LRRC7: variants seen among roughly 807,000 people sequenced by gnomAD.
LRRC7 encodes the protein leucine-rich repeat-containing protein 7.
A neutral mutation model predicts 175.7 loss-of-function variants in LRRC7; 23 were observed. The observed-to-expected ratio is 0.13, with a 90% CI of 0.09 to 0.19. The LOEUF is 0.19. LRRC7 is among the 10% of genes least tolerant of loss of function. LRRC7 has a pLI of 1.00. For synonymous variants in LRRC7, 685 were observed against 680.9 expected (o/e 1.01, Z -0.09); for missense variants, 1,354 against 1,904.7 (o/e 0.71, Z 5.38).
chr1:69,701,499 A>T (rs982852790), intron 2 of LRRC7, among the ~76,000 whole-genome samples: 6 of 151,998 alleles, frequency 3.9e-5, no homozygotes, highest in Non-Finnish European at 7.4e-5. Flanking sequence ...ATTTTCATTT[A>T]AAAAAAACCA....
intron 4 of LRRC7, among the ~76,000 whole-genome samples, chr1:69,820,830 A>C (rs1041038776): frequency 6.6e-6 from 1 of 152,194 alleles, no homozygotes; most frequent in Admixed American, 6.5e-5. Context: ...ATAGATGTGC[A>C]TGTGTCTTTA....
At chr1:69,583,843 A>C (rs1646297962) in intron 1 of LRRC7, among the ~76,000 whole-genome samples, 3 of 152,138 alleles carry the variant, frequency 2.0e-5, no homozygotes. Context: ...TTATCCACAC[A>C]AAGACTTTCT....
chr1:69,604,294 A>G (rs1647218088), intron 1 of LRRC7, among the ~76,000 whole-genome samples: 1 of 152,176 alleles, frequency 6.6e-6, no homozygotes, highest in South Asian at 2.1e-4. Context: ...AGTTAATGCT[A>G]CAAAGTTAAA....
chr1:69,876,316 T>C (rs981859588), intron 7 of LRRC7, among the ~76,000 whole-genome samples: 9 of 152,170 alleles, frequency 5.9e-5, no homozygotes, highest in Non-Finnish European at 1.2e-4. Flanking sequence ...AAAATTATGA[T>C]TATTTTATCA....
At chr1:69,851,171 C>A (rs1299127130) in intron 7 of LRRC7, among the ~76,000 whole-genome samples, 1 of 152,064 alleles carries the variant, frequency 6.6e-6, no homozygotes, top group Admixed American at 6.6e-5. Flanking sequence ...TTGGCATTAG[C>A]AAGATACAGG....
At chr1:69,749,738 G>A (rs1352990754) in intron 2 of LRRC7, among the ~76,000 whole-genome samples, 2 of 152,088 alleles carry the variant, frequency 1.3e-5, no homozygotes, top group Non-Finnish European at 2.9e-5. Flanking sequence ...AGTAGTGTAA[G>A]CTAGAGCATA....
chr1:69,981,852 A>G (rs1190111640), intron 9 of LRRC7, among the ~76,000 whole-genome samples: 1 of 152,218 alleles, frequency 6.6e-6, no homozygotes, highest in East Asian at 1.9e-4. Flanking sequence ...TGTTGTACAA[A>G]TGTTGATTCA....
chr1:70,014,069 A>G lies in LRRC7; in HGVS notation c.1250+980A>G, dbSNP rs1251392870. On this transcript the variant is annotated intron_variant, in intron 13 of 26. Coordinates refer to ENST00000651989, the MANE Select transcript of LRRC7 (RefSeq NM_001370785.2). ...TTATTTATAGTATCAGGTGACAAGGAAGCACCAAAGCTTTATGCATCAAGA... is the reference window on the plus strand; with the variant it reads ...TTATTTATAGTATCAGGTGACAAGGGAGCACCAAAGCTTTATGCATCAAGA... The G allele has an allele frequency of 2.6e-5, 4 of 152,150 alleles. No individual in the cohort carries two copies. The East Asian group carries it at 7.7e-4, about 29-fold the overall frequency. The allele number at this position is 152,150 out of a possible 1,614,324, so 9.4% of individuals were successfully genotyped here.
intron 1 of LRRC7, among the ~76,000 whole-genome samples, chr1:69,626,579 T>C (rs975751260): frequency 3.3e-5 from 5 of 151,978 alleles, no homozygotes; most frequent in African/African-American, 7.2e-5. Context: ...ATTATTATTA[T>C]TATACTATAA....
At chr1:69,804,151 C>A (rs1057394696) in intron 4 of LRRC7, among the ~76,000 whole-genome samples, 5 of 151,358 alleles carry the variant, frequency 3.3e-5, no homozygotes, top group African/African-American at 9.7e-5. Context: ...AAATACATTG[C>A]AGACTACATG....
chr1:69,596,731 T>C (rs1480876371), intron 1 of LRRC7, among the ~76,000 whole-genome samples: 1 of 152,212 alleles, frequency 6.6e-6, no homozygotes, highest in Non-Finnish European at 1.5e-5. Context: ...TTTAAACATT[T>C]CCTTGTACCT....
chr1:69,893,610 A>G (rs1162070137), intron 7 of LRRC7, among the ~76,000 whole-genome samples: 5 of 152,238 alleles, frequency 3.3e-5, no homozygotes, highest in African/African-American at 1.2e-4. Context: ...AAACTTTGAA[A>G]TGTAAATTAT....
At chr1:69,835,271 C>A (rs1352172787) in intron 6 of LRRC7, among the ~76,000 whole-genome samples, 1 of 151,270 alleles carries the variant, frequency 6.6e-6, no homozygotes, top group Non-Finnish European at 1.5e-5. Flanking sequence ...ATCAGAAAAT[C>A]AAAGATTTAA....
In LRRC7 at chr1:70,140,162, C is replaced by T. The variant is rs1667010177; in HGVS notation, c.*18275C>T. 1 of 152,072 alleles carries T rather than the reference C, an allele frequency of 6.6e-6. No homozygotes were observed. The highest frequency in any genetic ancestry group is 2.4e-5 in the African/African-American group (1 of 41,430). 9.4% of individuals were successfully genotyped at this position (152,072 alleles called of 1,614,324 possible). On this transcript the variant is annotated 3_prime_UTR_variant, in exon 27 of 27. Coordinates refer to ENST00000651989, the MANE Select transcript of LRRC7 (RefSeq NM_001370785.2). ...TGGAAAGGTGAAAAGAAAATTGTTACATCAGGCTGCTTTTATCAAGCTAAG... is the reference window on the plus strand; with the variant it reads ...TGGAAAGGTGAAAAGAAAATTGTTATATCAGGCTGCTTTTATCAAGCTAAG...
At position 70,076,156 on chromosome 1, in the gene LRRC7, A is replaced by G; in HGVS notation, c.4310A>G (p.Asn1437Ser). The G allele has an allele frequency of 6.2e-7, 1 of 1,614,110 alleles. No homozygotes were observed. Among genetic ancestry groups the G allele is most frequent in the Non-Finnish European group, 8.5e-7 (1 of 1,179,982 alleles). The part of the protein sequence containing the change: ...RSREQQPYEG[N>S]INKVTIQQFQ... ...CGGGAGCAGCAGCCGTATGAAGGAA[A>G]TATAAACAAAGTGACCATCCAGCAA... Residue 1437 changes from asparagine (N) to serine (S), a missense_variant, in exon 24 of 27, where the codon AAT (asparagine) becomes AGT (serine). Asn to Ser is a conservative substitution (Grantham distance 46). Around this residue, in one of 4 missense-constraint regions of LRRC7, gnomAD observed 1,032 missense variants for 1,227.2 expected, o/e 0.84. Coordinates refer to ENST00000651989, the MANE Select transcript of LRRC7 (RefSeq NM_001370785.2).
At chr1:69,937,772 T>C (rs940876569) in intron 8 of LRRC7, among the ~76,000 whole-genome samples, 1 of 151,996 alleles carries the variant, frequency 6.6e-6, no homozygotes, top group African/African-American at 2.4e-5. Context: ...CACTAGCTAA[T>C]TTTATTAATT....
At chr1:70,052,184 A>C (rs1660800700) in intron 22 of LRRC7, among the ~76,000 whole-genome samples, 1 of 152,000 alleles carries the variant, frequency 6.6e-6, no homozygotes, top group African/African-American at 2.4e-5. Flanking sequence ...TTGTGAAAAT[A>C]TATGTAAATA....
chr1:70,058,688 A>G (rs1661345513), intron 23 of LRRC7, among the ~76,000 whole-genome samples: 1 of 152,248 alleles, frequency 6.6e-6, no homozygotes, highest in Admixed American at 6.5e-5. Context: ...TTGTTAAAGA[A>G]GAAACTCATA....
chr1:69,928,506 C>A (rs933732931), intron 7 of LRRC7, among the ~76,000 whole-genome samples: 9 of 152,218 alleles, frequency 5.9e-5, no homozygotes, highest in Non-Finnish European at 1.0e-4. Context: ...CAAGCCTGGG[C>A]AATGGTGGGC....
Sources: allele counts gnomAD v4.1 joint callset (sites outside exome capture counted in the v4.1 genomes callset), GRCh38; gene constraint gnomAD v4.1.1; regional missense constraint gnomAD v4.1.1; transcripts MANE v1.5; gene names NCBI Gene and HGNC (gene_info 2026-07-23, HGNC 2026-07-21).